The following MRPL42 variants were observed in gnomAD, a reference collection of about 807,000 sequenced individuals.
The protein encoded by MRPL42 is large ribosomal subunit protein mL42.
In MRPL42, 17 loss-of-function variants were observed where a neutral mutation model predicts 17.9. That is an observed-to-expected ratio of 0.95 (90% CI 0.65 to 1.42). MRPL42 has a LOEUF of 1.42. MRPL42 is among the 40% of genes most tolerant of loss of function. The probability of loss-of-function intolerance (pLI) is 0.00; values close to 1 mark genes in which losing one functional copy is unlikely to be tolerated. For missense variants in MRPL42, 177 were observed against 175.2 expected (o/e 1.01, Z -0.06); for synonymous variants, 59 against 54.4 (o/e 1.08, Z -0.37).
In MRPL42 at chr12:93,509,196, A is replaced by AAC. The variant is rs1269507695; in HGVS notation, c.*7976_*7977insCA. 4.6e-5 allele frequency: 7 copies of AAC among 151,746 alleles called. No homozygotes were observed. Among genetic ancestry groups the AAC allele is most frequent in the Admixed American group, 3.9e-4 (6 of 15,228 alleles). 9.4% of individuals were successfully genotyped at this position (151,746 alleles called of 1,614,324 possible). ...AAACGAGATTCCGTCTCAAAAAAAA[A>AAC]AAAAAAACTGCCAAAACGCTTTTTG... is the stretch of plus-strand genomic sequence containing the variant. On this transcript the variant is annotated 3_prime_UTR_variant, in exon 6 of 6. Transcript: ENST00000549982.
intron 2 of MRPL42, among the ~76,000 whole-genome samples, chr12:93,473,234 C>T (rs1565808908): frequency 6.6e-6 from 1 of 151,978 alleles, no homozygotes; most frequent in African/African-American, 2.4e-5. Context: ...GAATTACTTC[C>T]ATTGGTAAAA....
intron 1 of MRPL42, 32 bp from the exon 2 acceptor site, chr12:93,469,160 G>T: frequency 3.1e-6 from 2 of 653,122 alleles, no homozygotes; most frequent in South Asian, 2.2e-5. Flanking sequence ...TTTACCATAG[G>T]TAGCACTGAT....
chr12:93,494,396 T>C (rs890867947), intron 5 of MRPL42, among the ~76,000 whole-genome samples: 131 of 152,252 alleles, frequency 8.6e-4, no homozygotes, highest in African/African-American at 2.9e-3. Flanking sequence ...TCTAGATACA[T>C]TTTGGAGATA....
chr12:93,514,261 C>T lies in MRPL42; in HGVS notation c.*13040C>T, dbSNP rs546449220. On this transcript the variant is annotated 3_prime_UTR_variant, in exon 6 of 6. Transcript: ENST00000549982. ...GGACCTAACTCCAATAATGATTGGA[C>T]AGTTTTCTCCCTCTGCTTTTTCTTT... The T allele has an allele frequency of 6.6e-6, 1 of 151,284 alleles. No homozygotes were observed. Among genetic ancestry groups the T allele is most frequent in the Non-Finnish European group, 1.5e-5 (1 of 67,872 alleles). The allele number at this position is 151,284 out of a possible 1,614,324, so 9.4% of individuals were successfully genotyped here. A position where few individuals can be genotyped will look rare whatever the true frequency, so the allele number is the denominator to read the frequency against.
chr12:93,509,645 C>T lies in MRPL42; in HGVS notation c.*8424C>T, dbSNP rs1384122525. ...TAGTGACCTCCTGGGTCACTGGGAC[C>T]CAGAGTTGCCTAAGGAGCGTCAGAA... is the stretch of plus-strand genomic sequence containing the variant. On this transcript the variant is annotated 3_prime_UTR_variant, in exon 6 of 6. Transcript: ENST00000549982. 6.6e-6 allele frequency: 1 copy of T among 151,862 alleles called. No individual in the cohort carries two copies. Among genetic ancestry groups the T allele is most frequent in the East Asian group, 1.9e-4 (1 of 5,164 alleles). The allele number at this position is 151,862 out of a possible 1,614,324, so 9.4% of individuals were successfully genotyped here. A position where few individuals can be genotyped will look rare whatever the true frequency, so the allele number is the denominator to read the frequency against.
At chr12:93,474,478 A>G (rs1476920762) in intron 2 of MRPL42, among the ~76,000 whole-genome samples, 1 of 152,160 alleles carries the variant, frequency 6.6e-6, no homozygotes, top group African/African-American at 2.4e-5. Flanking sequence ...TCTGTTGCCC[A>G]GGCTAGAATT....
rs965442671 is a variant in MRPL42, at chr12:93,510,000, C to T, written c.*8779C>T. Reference sequence around the variant, plus strand: ...ATTAGGGTTCACTCTTGGTGCTGTACAATCTATGGGTTTGAACAAAGGTAC... The same window carrying T: ...ATTAGGGTTCACTCTTGGTGCTGTATAATCTATGGGTTTGAACAAAGGTAC... On this transcript the variant is annotated 3_prime_UTR_variant, in exon 6 of 6. Transcript: ENST00000549982. 3 of 152,102 alleles carry T rather than the reference C, an allele frequency of 2.0e-5. No individual in the cohort carries two copies. Among genetic ancestry groups the T allele is most frequent in the African/African-American group, 4.8e-5 (2 of 41,426 alleles). The allele number at this position is 152,102 out of a possible 1,614,324, so 9.4% of individuals were successfully genotyped here.
rs1953763678 is a variant in MRPL42 at position 93,514,744 on chromosome 12, CTTA to C, written c.*13528_*13530del. ...TATTTTTCTTTAAGCTTTATTTTTT[CTTA>C]TTATCCATATGACATGTTTCCAGAA... On this transcript the variant is annotated 3_prime_UTR_variant, in exon 6 of 6. Coordinates refer to ENST00000549982, the MANE Select transcript of MRPL42 (RefSeq NM_014050.4). 6.6e-6 allele frequency: 1 copy of C among 151,946 alleles called. No individual in the cohort carries two copies. The highest frequency in any genetic ancestry group is 2.4e-5 in the African/African-American group (1 of 41,366). The allele number at this position is 151,946 out of a possible 1,614,324, so 9.4% of individuals were successfully genotyped here. A position where few individuals can be genotyped will look rare whatever the true frequency, so the allele number is the denominator to read the frequency against.
At chr12:93,485,283 C>G (rs919394012) in intron 4 of MRPL42, among the ~76,000 whole-genome samples, 13 of 151,064 alleles carry the variant, frequency 8.6e-5, no homozygotes, top group African/African-American at 3.2e-4. Context: ...CCATTTCAGC[C>G]TCCTGAGTAG....
At chr12:93,470,448 T>C in intron 2 of MRPL42, 1 of 1,268,062 alleles carries the variant, frequency 7.9e-7, no homozygotes. Context: ...TATATTAAAC[T>C]ATGTGAGCCA....
chr12:93,487,641 C>T lies in MRPL42; in HGVS notation c.364C>T (p.Arg122Cys), dbSNP rs183620802. Reference sequence around the variant, plus strand: ...CAAAATGTTCTTTACTACTAAGCACCGTTGGTATCCTCATGGACGGTAAGT... The same window carrying T: ...CAAAATGTTCTTTACTACTAAGCACTGTTGGTATCCTCATGGACGGTAAGT... ...LSKMFFTTKH[R>C]WYPHGRYHRC... Residue 122 changes from arginine (R) to cysteine (C), a missense_variant, in exon 5 of 6, where the codon CGT becomes TGT. Arg to Cys is a radical substitution (Grantham distance 180). Coordinates refer to ENST00000549982, the MANE Select transcript of MRPL42 (RefSeq NM_014050.4). 92 of 1,612,064 alleles carry T rather than the reference C, an allele frequency of 5.7e-5. 1 individual carries two copies. In the East Asian group the frequency reaches 1.2e-3, roughly 21 times the overall value.
At position 93,502,194 on chromosome 12, in the gene MRPL42, C is replaced by T. The variant is rs1025830387; in HGVS notation, c.*973C>T. 9 of 152,064 alleles carry T rather than the reference C, an allele frequency of 5.9e-5. No individual in the cohort carries two copies. The highest frequency in any genetic ancestry group is 2.2e-4 in the African/African-American group (9 of 41,408). The allele number at this position is 152,064 out of a possible 1,614,324, so 9.4% of individuals were successfully genotyped here. On this transcript the variant is annotated 3_prime_UTR_variant, in exon 6 of 6. Transcript: ENST00000549982. ...CTGACTGTCTTAAAGATTATGCTAG[C>T]TTTAGAACACATGCAAACAGCTGCA... is the stretch of plus-strand genomic sequence containing the variant.
In MRPL42 at chr12:93,502,916, T is replaced by C. The variant is rs1192339544; in HGVS notation, c.*1695T>C. On this transcript the variant is annotated 3_prime_UTR_variant, in exon 6 of 6. Coordinates refer to ENST00000549982, the MANE Select transcript of MRPL42 (RefSeq NM_014050.4). ...ACTTTATTCTACTGGAAGTATAGAT[T>C]AACACTGTGCTTTCTGGGATTTTGC... 6.6e-6 allele frequency: 1 copy of C among 152,204 alleles called. No individual in the cohort carries two copies. The highest frequency in any genetic ancestry group is 2.4e-5 in the African/African-American group (1 of 41,442). The allele number at this position is 152,204 out of a possible 1,614,324, so 9.4% of individuals were successfully genotyped here.
chr12:93,506,275 T>TA lies in MRPL42; in HGVS notation c.*5054_*5055insA, dbSNP rs1953669172. On this transcript the variant is annotated 3_prime_UTR_variant, in exon 6 of 6. Coordinates refer to ENST00000549982, the MANE Select transcript of MRPL42 (RefSeq NM_014050.4). Reference sequence around the variant, plus strand: ...AAGAATGTCTCTTTTTTTTTTTTTTTTTTTTTTGGGACAGAGTCTTGCTCT... The same window carrying TA: ...AAGAATGTCTCTTTTTTTTTTTTTTTATTTTTTTGGGACAGAGTCTTGCTCT... The TA allele has an allele frequency of 6.8e-6, 1 of 146,260 alleles. No homozygotes were observed. Among genetic ancestry groups the TA allele is most frequent in the Non-Finnish European group, 1.5e-5 (1 of 67,002 alleles). 9.1% of individuals were successfully genotyped at this position (146,260 alleles called of 1,614,324 possible). A position where few individuals can be genotyped will look rare whatever the true frequency, so the allele number is the denominator to read the frequency against.
intron 4 of MRPL42, among the ~76,000 whole-genome samples, chr12:93,483,580 G>C (rs1167118339): frequency 1.3e-5 from 2 of 152,290 alleles, no homozygotes; most frequent in South Asian, 4.1e-4. Context: ...TAATATACCT[G>C]TATAGGGTAC....
intron 2 of MRPL42, among the ~76,000 whole-genome samples, chr12:93,474,625 T>A (rs1880072345): frequency 6.6e-6 from 1 of 152,128 alleles, no homozygotes; most frequent in South Asian, 2.1e-4. Context: ...TTTTTAAAGA[T>A]AATATCTCAC....
At position 93,504,372 on chromosome 12, in the gene MRPL42, C is replaced by T. The variant is rs1028603987; in HGVS notation, c.*3151C>T. On this transcript the variant is annotated 3_prime_UTR_variant, in exon 6 of 6. Coordinates refer to ENST00000549982, the MANE Select transcript of MRPL42 (RefSeq NM_014050.4). Reference sequence around the variant, plus strand: ...GTCAGGCTGGTCTCGAACTCCTGACCTCAAGTGTCCACACACCTTGGCCTC... The same window carrying T: ...GTCAGGCTGGTCTCGAACTCCTGACTTCAAGTGTCCACACACCTTGGCCTC... 7.2e-5 allele frequency: 11 copies of T among 152,466 alleles called. No individual in the cohort carries two copies. The highest frequency in any genetic ancestry group is 5.2e-4 in the Admixed American group (8 of 15,268). 9.4% of individuals were successfully genotyped at this position (152,466 alleles called of 1,614,324 possible).
At position 93,502,671 on chromosome 12, in the gene MRPL42, G is replaced by T. The variant is rs1953612158; in HGVS notation, c.*1450G>T. ...AGAAATATTTACCAGCTTTGTCGAT[G>T]GTGTATTCTTGAAAAATGTTTGGTT... is the stretch of plus-strand genomic sequence containing the variant. On this transcript the variant is annotated 3_prime_UTR_variant, in exon 6 of 6. Transcript: ENST00000549982. The T allele has an allele frequency of 6.6e-6, 1 of 152,096 alleles. No individual in the cohort carries two copies. Among genetic ancestry groups the T allele is most frequent in the African/African-American group, 2.4e-5 (1 of 41,432 alleles). 9.4% of individuals were successfully genotyped at this position (152,096 alleles called of 1,614,324 possible).
rs1953762659 is a variant in MRPL42 at position 93,514,643 on chromosome 12, C to T, written c.*13422C>T. The T allele has an allele frequency of 6.6e-6, 1 of 152,112 alleles. No homozygotes were observed. The highest frequency in any genetic ancestry group is 2.1e-4 in the South Asian group (1 of 4,830). The allele number at this position is 152,112 out of a possible 1,614,324, so 9.4% of individuals were successfully genotyped here. A position where few individuals can be genotyped will look rare whatever the true frequency, so the allele number is the denominator to read the frequency against. On this transcript the variant is annotated 3_prime_UTR_variant, in exon 6 of 6. Coordinates refer to ENST00000549982, the MANE Select transcript of MRPL42 (RefSeq NM_014050.4). The stretch of plus-strand genomic sequence containing the variant: ...ATCAGTCTGCTTATGGTTTATAATC[C>T]TCAGACTTGATTCTCCCCCTGAATC...
Sources: allele counts gnomAD v4.1 joint callset (sites outside exome capture counted in the v4.1 genomes callset), GRCh38; gene constraint gnomAD v4.1.1; transcripts MANE v1.5; gene names NCBI Gene and HGNC (gene_info 2026-07-23, HGNC 2026-07-21).